The following PURA variants were observed in gnomAD, a reference collection of about 807,000 sequenced individuals.
PURA encodes the protein purine rich element binding protein A.
Under a neutral mutation model 23.1 loss-of-function variants are expected in PURA, and 2 were observed. That is an observed-to-expected ratio of 0.09 (90% CI 0.04 to 0.27). The LOEUF (loss-of-function observed/expected upper bound fraction) is 0.27. Ranked by LOEUF, PURA falls within the 10% of genes least tolerant of loss-of-function variation. The probability of loss-of-function intolerance (pLI) is 1.00; values close to 1 mark genes in which losing one functional copy is unlikely to be tolerated. For synonymous variants in PURA, 254 were observed against 205.9 expected (o/e 1.23, Z -2.00); for missense variants, 187 against 449.7 (o/e 0.42, Z 5.28).
rs1763169875 is a variant in PURA, at chr5:140,123,077, G to A, written c.*7927G>A. On this transcript the variant is annotated 3_prime_UTR_variant, in exon 1 of 1. Coordinates refer to ENST00000331327, the MANE Select transcript of PURA (RefSeq NM_005859.5). ...TTACTATAGCTTATTTTGTAGAGTT[G>A]GCACTTTAGTATAATTTTCACATTT... 1 of 166,780 alleles carries A rather than the reference G, an allele frequency of 6.0e-6. No homozygotes were observed. Among genetic ancestry groups the A allele is most frequent in the African/African-American group, 2.4e-5 (1 of 41,378 alleles). 10.3% of individuals were successfully genotyped at this position (166,780 alleles called of 1,614,324 possible).
At position 140,118,116 on chromosome 5, in the gene PURA, G is replaced by A. The variant is rs1763110140; in HGVS notation, c.*2966G>A. On this transcript the variant is annotated 3_prime_UTR_variant, in exon 1 of 1. Transcript: ENST00000331327. Reference sequence around the variant, plus strand: ...TTATGCTGAAACAAATAAGGAAATGGTATATTTGACCATATGTGTTATTCA... The same window carrying A: ...TTATGCTGAAACAAATAAGGAAATGATATATTTGACCATATGTGTTATTCA... 1 of 166,660 alleles carries A rather than the reference G, an allele frequency of 6.0e-6. No homozygotes were observed. Among genetic ancestry groups the A allele is most frequent in the African/African-American group, 2.4e-5 (1 of 41,404 alleles). The allele number at this position is 166,660 out of a possible 1,614,324, so 10.3% of individuals were successfully genotyped here.
rs1312577083 is a variant in PURA at position 140,121,192 on chromosome 5, A to G, written c.*6042A>G. The stretch of plus-strand genomic sequence containing the variant: ...AAGAGGCCTCCAAGTTCAAGGACCA[A>G]GTCCTTCTATTTTAGAATTGTGAAA... On this transcript the variant is annotated 3_prime_UTR_variant, in exon 1 of 1. Coordinates refer to ENST00000331327, the MANE Select transcript of PURA (RefSeq NM_005859.5). The G allele has an allele frequency of 6.0e-6, 1 of 166,926 alleles. No homozygotes were observed. Among genetic ancestry groups the G allele is most frequent in the Non-Finnish European group, 1.5e-5 (1 of 67,994 alleles). The allele number at this position is 166,926 out of a possible 1,614,324, so 10.3% of individuals were successfully genotyped here. A position where few individuals can be genotyped will look rare whatever the true frequency, so the allele number is the denominator to read the frequency against.
In PURA at chr5:140,123,654, C is replaced by G. The variant is rs986387549; in HGVS notation, c.*8504C>G. 22 of 166,436 alleles carry G rather than the reference C, an allele frequency of 1.3e-4. No individual in the cohort carries two copies. Among genetic ancestry groups the G allele is most frequent in the African/African-American group, 5.1e-4 (21 of 41,352 alleles). 10.3% of individuals were successfully genotyped at this position (166,436 alleles called of 1,614,324 possible). On this transcript the variant is annotated 3_prime_UTR_variant, in exon 1 of 1. Coordinates refer to ENST00000331327, the MANE Select transcript of PURA (RefSeq NM_005859.5). The stretch of plus-strand genomic sequence containing the variant: ...TGGGCCTTTATTTGCCAATAAAATC[C>G]TTTGTAAATGTGAGCTTTATTAAAC...
At position 140,115,157 on chromosome 5, in the gene PURA, T is replaced by G; in HGVS notation, c.*7T>G. 1 of 1,495,652 alleles carries G rather than the reference T, an allele frequency of 6.7e-7. No individual in the cohort carries two copies. Among genetic ancestry groups the G allele is most frequent in the Non-Finnish European group, 9.0e-7 (1 of 1,116,566 alleles). The allele number at this position is 1,495,652 out of a possible 1,614,324, so 92.6% of individuals were successfully genotyped here. On this transcript the variant is annotated 3_prime_UTR_variant, in exon 1 of 1. Coordinates refer to ENST00000331327, the MANE Select transcript of PURA (RefSeq NM_005859.5). This position sits in a 1 kb window ranked among gnomAD's most constrained non-coding sequence, Gnocchi z 4.1. ...AGAAGGGGAAGAAGATTGATCAAAC[T>G]GAATGAAACCCCCACACACACACAC...
In PURA at chr5:140,115,202, C is replaced by T. The variant is rs1443961599; in HGVS notation, c.*52C>T. On this transcript the variant is annotated 3_prime_UTR_variant, in exon 1 of 1. Coordinates refer to ENST00000331327, the MANE Select transcript of PURA (RefSeq NM_005859.5). This position sits in a 1 kb window ranked among gnomAD's most constrained non-coding sequence, Gnocchi z 4.1. Reference sequence around the variant, plus strand: ...ACACACATGCATACACACACACACACAGCCACACACACAGAAAATATACTG... The same window carrying T: ...ACACACATGCATACACACACACACATAGCCACACACACAGAAAATATACTG... The T allele has an allele frequency of 1.0e-6, 1 of 992,764 alleles. No homozygotes were observed. Among genetic ancestry groups the T allele is most frequent in the South Asian group, 1.9e-5 (1 of 53,696 alleles). 61.5% of individuals were successfully genotyped at this position (992,764 alleles called of 1,614,324 possible).
At position 140,121,253 on chromosome 5, in the gene PURA, C is replaced by T. The variant is rs1160782119; in HGVS notation, c.*6103C>T. ...TACTCTTGTTAGTGTGTGTTTTGGT[C>T]TAAGGTAGATTATTAACACAGAAGG... On this transcript the variant is annotated 3_prime_UTR_variant, in exon 1 of 1. Transcript: ENST00000331327. 2 of 166,892 alleles carry T rather than the reference C, an allele frequency of 1.2e-5. No individual in the cohort carries two copies. Among genetic ancestry groups the T allele is most frequent in the East Asian group, 3.9e-4 (2 of 5,186 alleles). The allele number at this position is 166,892 out of a possible 1,614,324, so 10.3% of individuals were successfully genotyped here. A position where few individuals can be genotyped will look rare whatever the true frequency, so the allele number is the denominator to read the frequency against.
In PURA at chr5:140,117,821, G is replaced by C. The variant is rs576289178; in HGVS notation, c.*2671G>C. 6.0e-6 allele frequency: 1 copy of C among 165,986 alleles called. No individual in the cohort carries two copies. The highest frequency in any genetic ancestry group is 2.4e-5 in the African/African-American group (1 of 41,560). The allele number at this position is 165,986 out of a possible 1,614,324, so 10.3% of individuals were successfully genotyped here. A position where few individuals can be genotyped will look rare whatever the true frequency, so the allele number is the denominator to read the frequency against. On this transcript the variant is annotated 3_prime_UTR_variant, in exon 1 of 1. Coordinates refer to ENST00000331327, the MANE Select transcript of PURA (RefSeq NM_005859.5). Reference sequence around the variant, plus strand: ...TTTTGAAACCAGTGTCTGATTTATGGTCAGTGGGTTTAAAAAGAAATCCAC... The same window carrying C: ...TTTTGAAACCAGTGTCTGATTTATGCTCAGTGGGTTTAAAAAGAAATCCAC...
chr5:140,114,849 C>G lies in PURA; in HGVS notation c.668C>G (p.Ser223Cys), dbSNP rs753835271. The G allele has an allele frequency of 6.2e-7, 1 of 1,614,208 alleles. No homozygotes were observed. Among genetic ancestry groups the G allele is most frequent in the South Asian group, 1.1e-5 (1 of 91,088 alleles). ...EEPAELPEGT[S>C]LTVDNKRFFF... Reference sequence around the variant, plus strand: ...CCGGCCGAGCTGCCCGAGGGCACCTCCTTGACTGTGGACAACAAGCGCTTC... The same window carrying G: ...CCGGCCGAGCTGCCCGAGGGCACCTGCTTGACTGTGGACAACAAGCGCTTC... The change falls in exon 1 of 1, where the codon TCC (serine) becomes TGC (cysteine). Residue 223 changes from serine to cysteine, a missense_variant. Physicochemically the swap from Ser to Cys is moderately radical, Grantham distance 112. Transcript: ENST00000331327.
chr5:140,119,095 CTT>C lies in PURA; in HGVS notation c.*3946_*3947del, dbSNP rs1436717128. ...ATTGCAATCAGATGGCATTCACAAA[CTT>C]AACTGGAGCATATACAAATATATTA... On this transcript the variant is annotated 3_prime_UTR_variant, in exon 1 of 1. Coordinates refer to ENST00000331327, the MANE Select transcript of PURA (RefSeq NM_005859.5). The C allele has an allele frequency of 4.2e-5, 7 of 166,702 alleles. No individual in the cohort carries two copies. The highest frequency in any genetic ancestry group is 7.2e-5 in the African/African-American group (3 of 41,394). 10.3% of individuals were successfully genotyped at this position (166,702 alleles called of 1,614,324 possible).
In PURA at chr5:140,115,096, G is replaced by A; in HGVS notation, c.915G>A (p.Glu305=). The change falls in exon 1 of 1, where the codon GAG becomes GAA. Residue 305 remains glutamate (E), a synonymous_variant. Transcript: ENST00000331327. This position sits in a 1 kb window ranked among gnomAD's most constrained non-coding sequence, Gnocchi z 4.1. ...AGCAGCAACAGCAGCAGCAGGAGGA[G>A]ACCGCCGCTGCCACCCTGCTACTGC... is the stretch of plus-strand genomic sequence containing the variant. ...LHQQQQQQQE[E]TAAATLLLQG... 1 of 1,609,362 alleles carries A rather than the reference G, an allele frequency of 6.2e-7. No individual in the cohort carries two copies. Among genetic ancestry groups the A allele is most frequent in the Non-Finnish European group, 8.5e-7 (1 of 1,177,952 alleles).
rs557899891 is a variant in PURA, at chr5:140,123,396, T to C, written c.*8246T>C. 1 of 167,106 alleles carries C rather than the reference T, an allele frequency of 6.0e-6. No individual in the cohort carries two copies. Among genetic ancestry groups the C allele is most frequent in the South Asian group, 2.1e-4 (1 of 4,832 alleles). 10.4% of individuals were successfully genotyped at this position (167,106 alleles called of 1,614,324 possible). A position where few individuals can be genotyped will look rare whatever the true frequency, so the allele number is the denominator to read the frequency against. ...GGAAAGACTAAAGTTGCCTGTAAAATTTCTAGTTTTCATTATTTGCACTAT... is the reference window on the plus strand; with the variant it reads ...GGAAAGACTAAAGTTGCCTGTAAAACTTCTAGTTTTCATTATTTGCACTAT... On this transcript the variant is annotated 3_prime_UTR_variant, in exon 1 of 1. Coordinates refer to ENST00000331327, the MANE Select transcript of PURA (RefSeq NM_005859.5).
chr5:140,114,163 GGCAGCGGAGC>G lies in PURA; in HGVS notation c.-13_-4del, dbSNP rs1293527762. 5 of 638,736 alleles carry G rather than the reference GGCAGCGGAGC, an allele frequency of 7.8e-6. No homozygotes were observed. In the East Asian group the frequency reaches 2.0e-4, roughly 26 times the overall value. 39.6% of individuals were successfully genotyped at this position (638,736 alleles called of 1,614,324 possible). On this transcript the variant is annotated 5_prime_UTR_variant, in exon 1 of 1. Coordinates refer to ENST00000331327, the MANE Select transcript of PURA (RefSeq NM_005859.5). ...GCGGAGCGGCAGGCGGCGGCGGCGC[GGCAGCGGAGC>G]GCAGCATCATGGCGGACCGAGACAG...
In PURA at chr5:140,114,592, C is replaced by T. The variant is rs1490045076; in HGVS notation, c.411C>T (p.Asp137=). 3.7e-6 allele frequency: 6 copies of T among 1,602,660 alleles called. No homozygotes were observed. The highest frequency in any genetic ancestry group is 1.7e-5 in the Admixed American group (1 of 58,844). ...SQPPDLAQAQ[D]EPRRALKSEF... is the part of the protein sequence containing the mutation. ...CGCCGGACCTGGCCCAGGCGCAGGA[C>T]GAGCCGCGCCGGGCGCTCAAAAGCG... The change falls in exon 1 of 1, where the codon GAC becomes GAT. Residue 137 remains aspartate (D), a synonymous_variant. Transcript: ENST00000331327.
rs1053520568 is a variant in PURA, at chr5:140,116,674, T to C, written c.*1524T>C. 3 of 167,024 alleles carry C rather than the reference T, an allele frequency of 1.8e-5. No individual in the cohort carries two copies. The highest frequency in any genetic ancestry group is 7.2e-5 in the African/African-American group (3 of 41,466). The allele number at this position is 167,024 out of a possible 1,614,324, so 10.3% of individuals were successfully genotyped here. ...TGTGTGCTTTTAATTGACAACTAACTTCTTGCTGCTGTATAGTAAAATATT... is the reference window on the plus strand; with the variant it reads ...TGTGTGCTTTTAATTGACAACTAACCTCTTGCTGCTGTATAGTAAAATATT... On this transcript the variant is annotated 3_prime_UTR_variant, in exon 1 of 1. Coordinates refer to ENST00000331327, the MANE Select transcript of PURA (RefSeq NM_005859.5).
rs578138513 is a variant in PURA, at chr5:140,117,256, C to T, written c.*2106C>T. 1 of 167,122 alleles carries T rather than the reference C, an allele frequency of 6.0e-6. No individual in the cohort carries two copies. Among genetic ancestry groups the T allele is most frequent in the South Asian group, 2.1e-4 (1 of 4,822 alleles). The allele number at this position is 167,122 out of a possible 1,614,324, so 10.4% of individuals were successfully genotyped here. ...AAATGATTAAATTGCTTTTCCCCCT[C>T]CCCAGAGGTGCATTTTTCTTATTTC... On this transcript the variant is annotated 3_prime_UTR_variant, in exon 1 of 1. Transcript: ENST00000331327.
chr5:140,119,446 T>C lies in PURA; in HGVS notation c.*4296T>C, dbSNP rs906850733. 6.0e-6 allele frequency: 1 copy of C among 166,906 alleles called. No individual in the cohort carries two copies. The highest frequency in any genetic ancestry group is 2.4e-5 in the African/African-American group (1 of 41,440). 10.3% of individuals were successfully genotyped at this position (166,906 alleles called of 1,614,324 possible). On this transcript the variant is annotated 3_prime_UTR_variant, in exon 1 of 1. Transcript: ENST00000331327. ...TTGTACTCACTGTTTTCATTTCTTA[T>C]TAATATAGGGATGCTGTACTTTTTC...
rs1763113772 is a variant in PURA, at chr5:140,118,398, G to A, written c.*3248G>A. The A allele has an allele frequency of 6.0e-6, 1 of 167,134 alleles. No individual in the cohort carries two copies. The highest frequency in any genetic ancestry group is 1.9e-4 in the East Asian group (1 of 5,190). The allele number at this position is 167,134 out of a possible 1,614,324, so 10.4% of individuals were successfully genotyped here. A position where few individuals can be genotyped will look rare whatever the true frequency, so the allele number is the denominator to read the frequency against. On this transcript the variant is annotated 3_prime_UTR_variant, in exon 1 of 1. Coordinates refer to ENST00000331327, the MANE Select transcript of PURA (RefSeq NM_005859.5). The stretch of plus-strand genomic sequence containing the variant: ...TTGAAATGCTTATGTATGTGTGTGT[G>A]TTTGGAGTTGTTTTTTTCTTTTAAA...
chr5:140,115,295 G>C lies in PURA; in HGVS notation c.*145G>C. On this transcript the variant is annotated 3_prime_UTR_variant, in exon 1 of 1. Coordinates refer to ENST00000331327, the MANE Select transcript of PURA (RefSeq NM_005859.5). The surrounding 1 kb of genome is among the most constrained non-coding windows in gnomAD (Gnocchi z 4.1). Reference sequence around the variant, plus strand: ...AAAAAAACCTGTTAACTCCAAGGGAGCACCACCCACAGAACCTCCACCAAC... The same window carrying C: ...AAAAAAACCTGTTAACTCCAAGGGACCACCACCCACAGAACCTCCACCAAC... 1.8e-6 allele frequency: 1 copy of C among 556,436 alleles called. No individual in the cohort carries two copies. The highest frequency in any genetic ancestry group is 3.0e-6 in the Non-Finnish European group (1 of 338,850). The allele number at this position is 556,436 out of a possible 1,614,324, so 34.5% of individuals were successfully genotyped here.
Position 140,115,041 on chromosome 5 carries a change from A to T in PURA, c.860A>T (p.Glu287Val), listed in dbSNP as rs1369115331. The T allele has an allele frequency of 6.2e-7, 1 of 1,614,136 alleles. No homozygotes were observed. Among genetic ancestry groups the T allele is most frequent in the Non-Finnish European group, 8.5e-7 (1 of 1,180,018 alleles). ...EMKKIQEKQR[E>V]KRAACEQLHQ... ...AAGAAGATTCAAGAGAAGCAGAGGG[A>T]GAAGCGGGCTGCCTGTGAGCAGCTT... Residue 287 changes from glutamate to valine, a missense_variant, in exon 1 of 1, where the codon GAG (glutamate) becomes GTG (valine). Transcript: ENST00000331327. This position sits in a 1 kb window ranked among gnomAD's most constrained non-coding sequence, Gnocchi z 4.1.
Sources: gnomAD v4.1 joint callset for allele counts on GRCh38, gnomAD v4.1.1 for gene constraint, Gnocchi (gnomAD v3.1) non-coding constraint, MANE v1.5 for transcripts, NCBI Gene and HGNC (gene_info 2026-07-23, HGNC 2026-07-21) for gene names.